The following MGAT4C variants were observed in gnomAD, a reference collection of about 807,000 sequenced individuals.
MGAT4C encodes the protein alpha-1,3-mannosyl-glycoprotein 4-beta-N-acetylglucosaminyltransferase C.
A neutral mutation model predicts 40.1 loss-of-function variants in MGAT4C; 19 were observed. The ratio of observed to expected loss-of-function variants is 0.47; its 90% CI spans 0.33 to 0.70. MGAT4C has a LOEUF of 0.70. Ranked by LOEUF, MGAT4C falls within the 30% of genes least tolerant of loss-of-function variation. MGAT4C has a pLI of 0.02. For synonymous variants in MGAT4C, 181 were observed against 187.1 expected (o/e 0.97, Z 0.27); for missense variants, 491 against 563.2 (o/e 0.87, Z 1.30).
At chr12:86,304,128 G>A (rs145691025) in intron 4 of MGAT4C, among the ~76,000 whole-genome samples, 2 of 150,694 alleles carry the variant, frequency 1.3e-5, no homozygotes, top group African/African-American at 5.0e-5. Flanking sequence ...ATGAGAAAGT[G>A]GCTTTTCTAG....
chr12:86,545,777 G>GA (rs1176643445), intron 2 of MGAT4C, among the ~76,000 whole-genome samples: 43 of 146,912 alleles, frequency 2.9e-4, no homozygotes, highest in East Asian at 2.8e-3. Flanking sequence ...TTTTGGCCTA[G>GA]AAAAAAAAAC....
chr12:86,808,057 T>C (rs1279262226), intron 1 of MGAT4C, among the ~76,000 whole-genome samples: 3 of 151,950 alleles, frequency 2.0e-5, no homozygotes, highest in African/African-American at 7.2e-5. Context: ...CCTGGACACA[T>C]ACACCCTCCC....
At chr12:86,735,969 C>G (rs1224750034) in intron 1 of MGAT4C, among the ~76,000 whole-genome samples, 1 of 151,672 alleles carries the variant, frequency 6.6e-6, no homozygotes, top group Non-Finnish European at 1.5e-5. Flanking sequence ...TATTAACCAC[C>G]CTGAAGAGAT....
At chr12:86,494,838 CAT>C (rs1371084318) in intron 2 of MGAT4C, among the ~76,000 whole-genome samples, 3 of 151,982 alleles carry the variant, frequency 2.0e-5, no homozygotes, top group Admixed American at 6.6e-5. Flanking sequence ...ATAAGTAAAA[CAT>C]AAAGTGTTCT....
intron 2 of MGAT4C, among the ~76,000 whole-genome samples, chr12:86,627,789 A>AG: frequency 6.6e-6 from 1 of 152,224 alleles, no homozygotes; most frequent in Non-Finnish European, 1.5e-5. Flanking sequence ...GATGGGGAGA[A>AG]ACAAGAGCAG....
intron 3 of MGAT4C, among the ~76,000 whole-genome samples, chr12:85,988,038 C>T (rs1405108386): frequency 6.6e-6 from 1 of 152,136 alleles, no homozygotes; most frequent in Non-Finnish European, 1.5e-5. Context: ...TATTATATCT[C>T]ATATAACTAA....
intron 2 of MGAT4C, among the ~76,000 whole-genome samples, chr12:85,997,041 G>A (rs764583606): frequency 2.0e-4 from 31 of 152,140 alleles, no homozygotes; most frequent in Non-Finnish European, 3.7e-4. Flanking sequence ...CCAAGACAGG[G>A]CAATTTACAA....
intron 1 of MGAT4C, among the ~76,000 whole-genome samples, chr12:86,180,559 A>G (rs1241242564): frequency 6.6e-6 from 1 of 152,140 alleles, no homozygotes; most frequent in East Asian, 1.9e-4. Context: ...GCTGCCCAAG[A>G]CTATGGGAAC....
chr12:86,810,474 G>T (rs1171647233), intron 1 of MGAT4C, among the ~76,000 whole-genome samples: 1 of 151,706 alleles, frequency 6.6e-6, no homozygotes, highest in Non-Finnish European at 1.5e-5. Flanking sequence ...TAAGCTTAGG[G>T]TGATGTTATT....
At chr12:86,585,728 T>C (rs1285612284) in intron 2 of MGAT4C, among the ~76,000 whole-genome samples, 3 of 149,706 alleles carry the variant, frequency 2.0e-5, no homozygotes, top group Non-Finnish European at 4.5e-5. Context: ...ATGTTTTATT[T>C]TTTTTAATTT....
At chr12:86,372,525 C>A (rs911891723) in intron 3 of MGAT4C, among the ~76,000 whole-genome samples, 1 of 151,798 alleles carries the variant, frequency 6.6e-6, no homozygotes, top group African/African-American at 2.4e-5. Flanking sequence ...ATGAATTATG[C>A]AGTTCATCTT....
chr12:86,455,854 CT>C (rs1218752427), intron 2 of MGAT4C, among the ~76,000 whole-genome samples: 1 of 151,950 alleles, frequency 6.6e-6, no homozygotes, highest in African/African-American at 2.4e-5. Context: ...TGGTGTGGTT[CT>C]TTCATTCAGT....
At chr12:86,366,391 T>C (rs145934503) in intron 3 of MGAT4C, among the ~76,000 whole-genome samples, 7 of 152,328 alleles carry the variant, frequency 4.6e-5, no homozygotes, top group South Asian at 4.1e-4. Flanking sequence ...TTTTGCCTGA[T>C]TGCTTTGGCT....
intron 3 of MGAT4C, 110 bp from the exon 4 acceptor site, chr12:85,983,780 G>T: frequency 1.2e-6 from 1 of 850,104 alleles, no homozygotes; most frequent in East Asian, 2.9e-5. Flanking sequence ...ATAGTATGCA[G>T]GGTTATATAA....
chr12:86,560,043 C>A (rs1959792450), intron 2 of MGAT4C, among the ~76,000 whole-genome samples: 1 of 151,224 alleles, frequency 6.6e-6, no homozygotes. Flanking sequence ...ATGGGAAGAC[C>A]AAAAGAGAAA....
chr12:86,556,192 T>C (rs1959601362), intron 2 of MGAT4C, among the ~76,000 whole-genome samples: 2 of 152,196 alleles, frequency 1.3e-5, no homozygotes, highest in Non-Finnish European at 2.9e-5. Flanking sequence ...TAATTAGACT[T>C]TAAAAATACT....
At chr12:86,397,235 G>T (rs1004451747) in intron 3 of MGAT4C, among the ~76,000 whole-genome samples, 8 of 151,982 alleles carry the variant, frequency 5.3e-5, no homozygotes, top group Non-Finnish European at 1.2e-4. Context: ...ATAGTATTTA[G>T]TACTTTGTAC....
chr12:86,667,770 T>C (rs1320863973), intron 2 of MGAT4C, among the ~76,000 whole-genome samples: 1 of 152,248 alleles, frequency 6.6e-6, no homozygotes, highest in Admixed American at 6.5e-5. Flanking sequence ...TTAAAAACTG[T>C]GTAAAAGTCT....
chr12:86,564,012 G>C (rs2136412537), intron 2 of MGAT4C, among the ~76,000 whole-genome samples: 1 of 152,244 alleles, frequency 6.6e-6, no homozygotes, highest in East Asian at 1.9e-4. Flanking sequence ...CCTCTACCTA[G>C]AAAAATAGTA....
Sources: allele counts gnomAD v4.1 joint callset (sites outside exome capture counted in the v4.1 genomes callset), GRCh38; gene constraint gnomAD v4.1.1; transcripts MANE v1.5; gene names NCBI Gene and HGNC (gene_info 2026-07-23, HGNC 2026-07-21).